Variants in CCDC138 observed in about 807,000 individuals in gnomAD.
CCDC138 encodes coiled-coil domain-containing protein 138.
Under a neutral mutation model 82.3 loss-of-function variants are expected in CCDC138, and 66 were observed. That is an observed-to-expected ratio of 0.80 (90% CI 0.66 to 0.98). The LOEUF is 0.98. Ranked by LOEUF, CCDC138 falls within the 50% of genes least tolerant of loss-of-function variation. The pLI is 0.00. For synonymous variants in CCDC138, 297 were observed against 265.4 expected, an observed-to-expected ratio of 1.12 and a Z score of -1.16; for missense variants, 816 against 758.9, an observed-to-expected ratio of 1.08 and a Z score of -0.88.
intron 7 of CCDC138, among the ~76,000 whole-genome samples, chr2:108,809,319 C>A (rs1303368724): frequency 6.6e-6 from 1 of 152,090 alleles, no homozygotes; most frequent in East Asian, 1.9e-4. Flanking sequence ...TGATTTCATA[C>A]ACAGTTTAGA....
rs756473948 is a variant in CCDC138, at chr2:108,788,996, A to T, written c.266+30A>T. ...AGTACCCTGAAACTTTACTGTTGCT[A>T]CCCCCTCAGTATCTCAAAAAACTGA... On this transcript the variant is annotated intron_variant, in intron 3 of 14. Transcript: ENST00000295124. 3 of 1,611,874 alleles carry T rather than the reference A, an allele frequency of 1.9e-6. No homozygotes were observed. The South Asian group carries it at 3.3e-5, about 18-fold the overall frequency.
At chr2:108,845,435 A>C (rs1468254023) in intron 11 of CCDC138, among the ~76,000 whole-genome samples, 1 of 152,160 alleles carries the variant, frequency 6.6e-6, no homozygotes, top group African/African-American at 2.4e-5. Flanking sequence ...TTTCATGCAG[A>C]TAGGGGAAAC....
intron 5 of CCDC138, among the ~76,000 whole-genome samples, chr2:108,797,294 T>G (rs1229858838): frequency 6.6e-6 from 1 of 151,964 alleles, no homozygotes; most frequent in African/African-American, 2.4e-5. Flanking sequence ...GGTGGAAAAC[T>G]AGGAGAATGG....
At chr2:108,836,063 A>G (rs574405292) in intron 10 of CCDC138, among the ~76,000 whole-genome samples, 35 of 152,184 alleles carry the variant, frequency 2.3e-4, no homozygotes, top group Non-Finnish European at 3.8e-4. Flanking sequence ...TTCCCAGTAG[A>G]TCCTCACCTC....
In CCDC138 at chr2:108,815,181, AT is replaced by A. The variant is rs200185696; in HGVS notation, c.1042-755del. Among the ~76,000 whole-genome samples, 465 of 152,232 alleles carry A rather than the reference AT, an allele frequency of 3.1e-3. 3 individuals carry two copies. The highest frequency in any genetic ancestry group is 0.011 in the African/African-American group (448 of 41,570). ...GATATACTGGAAAGACAAAGTAACA[AT>A]TTTTGTGAGAAGAGAAAGATAAGTT... On this transcript the variant is annotated intron_variant, in intron 9 of 14. Coordinates refer to ENST00000295124, the MANE Select transcript of CCDC138 (RefSeq NM_144978.3).
chr2:108,824,234 G>GT (rs1011925250), intron 10 of CCDC138, among the ~76,000 whole-genome samples: 5 of 151,730 alleles, frequency 3.3e-5, no homozygotes, highest in African/African-American at 4.8e-5. Flanking sequence ...AAACTTTTTA[G>GT]TTTTTTTAAC....
At position 108,788,072 on chromosome 2, in the gene CCDC138, G is replaced by C. The variant is rs1351244799; in HGVS notation, c.134G>C (p.Arg45Thr). ...SNFYQSKYKR[R>T]TLTSPGDLDI... ...TTTTATCAGTCTAAGTATAAGAGAA[G>C]AACTCTAACCTCCCCAGGTAAGCCG... The change falls in exon 2 of 15, where the codon AGA becomes ACA. Residue 45 changes from arginine (R) to threonine (T), a missense_variant. Transcript: ENST00000295124. 3.8e-6 allele frequency: 6 copies of C among 1,598,292 alleles called. No homozygotes were observed. The highest frequency in any genetic ancestry group is 5.1e-6 in the Non-Finnish European group (6 of 1,173,934).
chr2:108,866,031 C>T (rs1694361632), intron 13 of CCDC138, among the ~76,000 whole-genome samples: 1 of 152,148 alleles, frequency 6.6e-6, no homozygotes. Flanking sequence ...TGGAGCTGTG[C>T]AAGAGGACTA....
intron 11 of CCDC138, among the ~76,000 whole-genome samples, chr2:108,841,863 T>G (rs2150488748): frequency 6.6e-6 from 1 of 152,290 alleles, no homozygotes; most frequent in East Asian, 1.9e-4. Context: ...GAACATTTTT[T>G]AGAATTTTAT....
downstream of CCDC138, among the ~76,000 whole-genome samples, chr2:108,881,142 A>T (rs563117812): frequency 4.7e-4 from 72 of 152,304 alleles, 1 homozygote; most frequent in African/African-American, 1.7e-3. Context: ...CTACATTGAA[A>T]ATCTGTTGTG....
At chr2:108,873,130 T>C (rs1695531799) in intron 13 of CCDC138, among the ~76,000 whole-genome samples, 1 of 152,196 alleles carries the variant, frequency 6.6e-6, no homozygotes, top group East Asian at 1.9e-4. Flanking sequence ...CTAATTATAG[T>C]ATTTAAACTG....
Position 108,850,135 on chromosome 2 carries a change from T to C in CCDC138, c.1516+3205T>C, listed in dbSNP as rs527979481. On this transcript the variant is annotated intron_variant, in intron 12 of 14. Coordinates refer to ENST00000295124, the MANE Select transcript of CCDC138 (RefSeq NM_144978.3). ...GCTATTTATCCTTTATCGTTAAATA[T>C]ACTGAAAAAAATTCTGGGAGAACTA... 2.0e-5 allele frequency among the ~76,000 whole-genome samples: 3 copies of C among 152,268 alleles called. No individual in the cohort carries two copies. In the South Asian group the frequency reaches 6.2e-4, roughly 32 times the overall value.
intron 13 of CCDC138, among the ~76,000 whole-genome samples, chr2:108,869,853 T>G (rs1442558569): frequency 6.6e-6 from 1 of 152,116 alleles, no homozygotes; most frequent in African/African-American, 2.4e-5. Flanking sequence ...GGGTGGTTTT[T>G]TCAAATGTCA....
chr2:108,798,349 C>A, intron 5 of CCDC138, 79 bp from the exon 6 acceptor site: 1 of 1,503,750 alleles, frequency 6.7e-7, no homozygotes, highest in Non-Finnish European at 9.0e-7. Flanking sequence ...TTGGTTAAAC[C>A]ACAGTGTCAG....
chr2:108,846,959 T>C, intron 12 of CCDC138, 29 bp downstream of exon 12: 1 of 1,252,426 alleles, frequency 8.0e-7, no homozygotes, highest in Non-Finnish European at 1.2e-6. Context: ...TTATGGTTAA[T>C]TTTGAGAAAC....
chr2:108,847,068 A>G, intron 12 of CCDC138, 138 bp downstream of exon 12: 1 of 606,220 alleles, frequency 1.6e-6, no homozygotes, highest in Non-Finnish European at 2.8e-6. Context: ...ACACATTATA[A>G]AAAGCTACTT....
chr2:108,798,641 T>C, intron 6 of CCDC138, 55 bp downstream of exon 6: 2 of 1,375,840 alleles, frequency 1.5e-6, no homozygotes, highest in South Asian at 1.3e-5. Flanking sequence ...TCTTCTTAGA[T>C]TCACTAGTTA....
At chr2:108,823,383 A>G (rs1411182897) in intron 10 of CCDC138, among the ~76,000 whole-genome samples, 6 of 152,228 alleles carry the variant, frequency 3.9e-5, no homozygotes, top group Admixed American at 2.6e-4. Context: ...AAAAATCCTC[A>G]ACAAAATAGT....
intron 7 of CCDC138, 90 bp from the exon 8 acceptor site, chr2:108,812,541 T>C (rs1270942754): frequency 1.1e-6 from 1 of 903,448 alleles, no homozygotes; most frequent in East Asian, 2.4e-5. Flanking sequence ...GTTAGTAATA[T>C]CAACCAGATT....
Sources: allele counts gnomAD v4.1 joint callset (sites outside exome capture counted in the v4.1 genomes callset), GRCh38; gene constraint gnomAD v4.1.1; transcripts MANE v1.5; gene names NCBI Gene and HGNC (gene_info 2026-07-23, HGNC 2026-07-21).